SNTG1: variants seen among roughly 807,000 people sequenced by gnomAD.
SNTG1 encodes the protein gamma-1-syntrophin.
In SNTG1, 39 loss-of-function variants were observed where a neutral mutation model predicts 74.7. That is an observed-to-expected ratio of 0.52 (90% CI 0.40 to 0.68). The LOEUF is 0.68. Ranked by LOEUF, SNTG1 falls within the 30% of genes least tolerant of loss-of-function variation. SNTG1 has a pLI of 0.00. For missense variants in SNTG1, 685 were observed against 609.5 expected (o/e 1.12, Z -1.30); for synonymous variants, 254 against 217.1 (o/e 1.17, Z -1.49).
intron 1 of SNTG1, among the ~76,000 whole-genome samples, chr8:50,045,529 A>G (rs538140588): frequency 1.0e-3 from 157 of 152,280 alleles, no homozygotes; most frequent in Non-Finnish European, 2.0e-3. Context: ...GGAGATTACA[A>G]TTCAACATAA....
chr8:50,203,895 A>G (rs1471038490), intron 2 of SNTG1, among the ~76,000 whole-genome samples: 1 of 152,118 alleles, frequency 6.6e-6, no homozygotes, highest in Non-Finnish European at 1.5e-5. Context: ...TGCAACGTCA[A>G]TGCATTTTTT....
chr8:49,989,424 A>G (rs866487331), intron 1 of SNTG1, among the ~76,000 whole-genome samples: 18 of 152,026 alleles, frequency 1.2e-4, no homozygotes, highest in South Asian at 4.1e-4. Context: ...GAATAGATAT[A>G]TAAGCAGTTA....
intron 1 of SNTG1, among the ~76,000 whole-genome samples, chr8:50,140,050 G>A (rs556134076): frequency 2.0e-5 from 3 of 152,278 alleles, no homozygotes; most frequent in Admixed American, 2.0e-4. Flanking sequence ...GGAGTAAATG[G>A]CCGCGAAACT....
intron 11 of SNTG1, among the ~76,000 whole-genome samples, chr8:50,550,315 T>G (rs1486875159): frequency 6.6e-6 from 1 of 152,154 alleles, no homozygotes; most frequent in African/African-American, 2.4e-5. Context: ...ACTTTTACAT[T>G]TTAGTCTCTG....
At chr8:50,448,444 A>G (rs1392163371) in intron 5 of SNTG1, among the ~76,000 whole-genome samples, 1 of 152,200 alleles carries the variant, frequency 6.6e-6, no homozygotes, top group African/African-American at 2.4e-5. Flanking sequence ...ATAATTTTTT[A>G]TACTTGAAAC....
intron 1 of SNTG1, among the ~76,000 whole-genome samples, chr8:50,058,983 A>C (rs1372481546): frequency 1.3e-5 from 2 of 152,040 alleles, no homozygotes; most frequent in African/African-American, 2.4e-5. Flanking sequence ...ATGTTGTATA[A>C]ATTCAATCAT....
chr8:50,553,534 G>A (rs1169749794), intron 12 of SNTG1, among the ~76,000 whole-genome samples: 1 of 152,140 alleles, frequency 6.6e-6, no homozygotes, highest in African/African-American at 2.4e-5. Context: ...TCTTAGAATT[G>A]CAGCTAGGAA....
At chr8:50,731,432 A>G (rs1427614950) in intron 17 of SNTG1, among the ~76,000 whole-genome samples, 2 of 152,142 alleles carry the variant, frequency 1.3e-5, no homozygotes, top group African/African-American at 2.4e-5. Context: ...AATTCTACAC[A>G]TATTTTATAC....
chr8:49,940,488 G>A (rs1051464268), intron 1 of SNTG1, among the ~76,000 whole-genome samples: 2 of 152,114 alleles, frequency 1.3e-5, no homozygotes, highest in Non-Finnish European at 2.9e-5. Context: ...TATACAATAT[G>A]AAATTCATGT....
chr8:50,513,310 G>C (rs146157083), intron 9 of SNTG1, among the ~76,000 whole-genome samples: 13 of 152,128 alleles, frequency 8.5e-5, no homozygotes, highest in African/African-American at 3.1e-4. Context: ...GCCGTGTGAG[G>C]TGTCAGTCTG....
chr8:50,706,562 T>G lies in SNTG1; in HGVS notation c.1191+1810T>G, dbSNP rs187168099. On this transcript the variant is annotated intron_variant, in intron 16 of 18. Coordinates refer to ENST00000642720, the MANE Select transcript of SNTG1 (RefSeq NM_018967.5). The stretch of plus-strand genomic sequence containing the variant: ...AAAATCTTTGAATCTGGGCTTTGTA[T>G]TCTGTAAACTGATATTCAGTGAAAT... Among the ~76,000 whole-genome samples, 208 of 152,254 alleles carry G rather than the reference T, an allele frequency of 1.4e-3. 2 individuals carry two copies. Among genetic ancestry groups the G allele is most frequent in the African/African-American group, 3.8e-3 (159 of 41,570 alleles).
intron 13 of SNTG1, among the ~76,000 whole-genome samples, chr8:50,611,752 G>T: frequency 6.6e-6 from 1 of 151,998 alleles, no homozygotes; most frequent in East Asian, 1.9e-4. Context: ...GAGAGACTCC[G>T]TTTTTTAAAT....
chr8:50,612,139 C>A (rs1210886099), intron 13 of SNTG1, among the ~76,000 whole-genome samples: 2 of 152,158 alleles, frequency 1.3e-5, no homozygotes, highest in African/African-American at 4.8e-5. Flanking sequence ...AACTTTACAG[C>A]AAATAAAATT....
At chr8:50,114,157 G>A (rs920603434) in intron 1 of SNTG1, among the ~76,000 whole-genome samples, 2 of 151,966 alleles carry the variant, frequency 1.3e-5, no homozygotes, top group Non-Finnish European at 2.9e-5. Flanking sequence ...CATTTACTTT[G>A]ATTTATATTA....
chr8:50,756,046 T>C (rs2095579605), intron 18 of SNTG1, among the ~76,000 whole-genome samples: 1 of 151,838 alleles, frequency 6.6e-6, no homozygotes, highest in Admixed American at 6.6e-5. Flanking sequence ...TTCATCTGTA[T>C]ATATTCTTTG....
intron 15 of SNTG1, among the ~76,000 whole-genome samples, chr8:50,671,935 A>C (rs1237439468): frequency 1.3e-5 from 2 of 150,920 alleles, no homozygotes; most frequent in Non-Finnish European, 2.9e-5. Context: ...TCAGTAAACT[A>C]TCGCAAGGAC....
intron 1 of SNTG1, among the ~76,000 whole-genome samples, chr8:50,070,309 G>T (rs1821256109): frequency 6.6e-6 from 1 of 151,820 alleles, no homozygotes. Context: ...CATTATTGTG[G>T]CTCCCATAAT....
chr8:50,375,786 AC>A (rs1378892354), intron 2 of SNTG1, among the ~76,000 whole-genome samples: 1 of 152,272 alleles, frequency 6.6e-6, no homozygotes, highest in East Asian at 1.9e-4. Context: ...AGAAAAACAA[AC>A]AGAAGTTTAT....
At chr8:50,135,138 C>A (rs1261232719) in intron 1 of SNTG1, among the ~76,000 whole-genome samples, 1 of 152,092 alleles carries the variant, frequency 6.6e-6, no homozygotes, top group Non-Finnish European at 1.5e-5. Flanking sequence ...CTTTCAAAGC[C>A]CTACCCCCTG....
Sources: gnomAD v4.1 joint callset for allele counts (sites outside exome capture counted in the v4.1 genomes callset) on GRCh38, gnomAD v4.1.1 for gene constraint, MANE v1.5 for transcripts, NCBI Gene and HGNC (gene_info 2026-07-23, HGNC 2026-07-21) for gene names.